The following NTRK2 variants were observed in gnomAD, a reference collection of about 807,000 sequenced individuals.
The protein encoded by NTRK2 is neurotrophic receptor tyrosine kinase 2.
Under a neutral mutation model 94.5 loss-of-function variants are expected in NTRK2, and 13 were observed. The ratio of observed to expected loss-of-function variants is 0.14; its 90% CI spans 0.09 to 0.22. The LOEUF (loss-of-function observed/expected upper bound fraction) is 0.22. NTRK2 is among the 10% of genes least tolerant of loss of function. The probability of loss-of-function intolerance (pLI) is 1.00; values close to 1 mark genes in which losing one functional copy is unlikely to be tolerated. For synonymous variants in NTRK2, 372 were observed against 407.4 expected, an observed-to-expected ratio of 0.91 and a Z score of 1.05; for missense variants, 639 against 1,071.2, an observed-to-expected ratio of 0.60 and a Z score of 5.63.
chr9:84,777,282 C>T (rs550365503), intron 12 of NTRK2, among the ~76,000 whole-genome samples: 4 of 152,218 alleles, frequency 2.6e-5, no homozygotes, highest in East Asian at 1.9e-4. Context: ...GATGTGACAC[C>T]GTTCAGAGAA....
intron 2 of NTRK2, among the ~76,000 whole-genome samples, chr9:84,695,999 C>T (rs2060352380): frequency 2.0e-5 from 3 of 152,150 alleles, no homozygotes; most frequent in African/African-American, 7.2e-5. Flanking sequence ...GAATGCTTAT[C>T]TGCTGAGGGC....
chr9:84,834,651 G>C (rs189483329), intron 12 of NTRK2, among the ~76,000 whole-genome samples: 6 of 152,170 alleles, frequency 3.9e-5, no homozygotes, highest in Admixed American at 1.3e-4. Context: ...TTCCTGGCTC[G>C]GGTTACTACC....
intron 10 of NTRK2, 112 bp downstream of exon 10, chr9:84,742,039 A>T (rs900929714): frequency 4.6e-5 from 43 of 944,152 alleles, no homozygotes; most frequent in Middle Eastern, 3.0e-4. Flanking sequence ...CACTTTAAGC[A>T]TTACATAGGC....
chr9:84,856,290 G>A (rs1239580096), intron 12 of NTRK2, among the ~76,000 whole-genome samples: 4 of 152,272 alleles, frequency 2.6e-5, no homozygotes, highest in African/African-American at 9.6e-5. Context: ...CTGTGGAGAT[G>A]GGGCTTTCTT....
intron 17 of NTRK2, among the ~76,000 whole-genome samples, chr9:84,973,574 TG>T (rs1826443062): frequency 6.6e-6 from 1 of 152,204 alleles, no homozygotes; most frequent in Non-Finnish European, 1.5e-5. Context: ...ATAGTACTCC[TG>T]TTATTCATAA....
At chr9:84,890,068 T>C (rs1442831331) in intron 14 of NTRK2, among the ~76,000 whole-genome samples, 1 of 152,238 alleles carries the variant, frequency 6.6e-6, no homozygotes, top group African/African-American at 2.4e-5. Context: ...AGGATAAGTA[T>C]GCCCAACTTC....
At chr9:84,939,051 C>CAAAAAAAAAAAAAAAAAAAAAAAAAA (rs138558531) in intron 15 of NTRK2, among the ~76,000 whole-genome samples, 1 of 68,436 alleles carries the variant, frequency 1.5e-5, no homozygotes, top group Non-Finnish European at 2.7e-5. Context: ...GACCCCAACT[C>CAAAAAAAAAAAAAAAAAAAAAAAAAA]AAAAAAAAAA....
chr9:84,802,003 A>G lies in NTRK2; in HGVS notation c.1396+49918A>G, dbSNP rs1225483779. ...CCTCTTGTTCTTTAAGGAGATGATG[A>G]TTCCTTTTTTAAGCTAAGAATTTGC... On this transcript the variant is annotated intron_variant, in intron 12 of 18. Transcript: ENST00000277120. Among the ~76,000 whole-genome samples the G allele has an allele frequency of 6.6e-5, 10 of 152,298 alleles. No homozygotes were observed. In the East Asian group the frequency reaches 1.9e-3, roughly 29 times the overall value.
chr9:84,888,651 T>G (rs1005792717), intron 14 of NTRK2, among the ~76,000 whole-genome samples: 15 of 69,926 alleles, frequency 2.1e-4, no homozygotes, highest in Middle Eastern at 0.013. Flanking sequence ...AAAAAAAAAG[T>G]GGCAGAGAAG....
intron 12 of NTRK2, among the ~76,000 whole-genome samples, chr9:84,754,407 C>G (rs893476611): frequency 1.3e-4 from 19 of 151,966 alleles, no homozygotes; most frequent in African/African-American, 4.6e-4. Flanking sequence ...TTTTGCAAGT[C>G]AGATGTCGAG....
chr9:84,987,137 G>T (rs1828422321), intron 17 of NTRK2, among the ~76,000 whole-genome samples: 1 of 152,162 alleles, frequency 6.6e-6, no homozygotes, highest in Non-Finnish European at 1.5e-5. Context: ...AGGGTGAAAA[G>T]AATTTGTTAA....
chr9:84,934,307 C>T lies in NTRK2; in HGVS notation c.1764+15C>T, dbSNP rs2304985. On this transcript the variant is annotated intron_variant, in intron 15 of 18. Transcript: ENST00000277120. Reference sequence around the variant, plus strand: ...TGGCAGTGAAGGTAAGAGAACATTCCAGAATGTCTCATTAACCATGATCAC... The same window carrying T: ...TGGCAGTGAAGGTAAGAGAACATTCTAGAATGTCTCATTAACCATGATCAC... The T allele has an allele frequency of 6.2e-7, 1 of 1,613,550 alleles. No homozygotes were observed. Among genetic ancestry groups the T allele is most frequent in the East Asian group, 2.2e-5 (1 of 44,878 alleles).
At chr9:84,832,290 A>G (rs1167207534) in intron 12 of NTRK2, among the ~76,000 whole-genome samples, 1 of 152,244 alleles carries the variant, frequency 6.6e-6, no homozygotes, top group Non-Finnish European at 1.5e-5. Context: ...AAAGAGGTTC[A>G]GAGATATGAG....
chr9:84,787,159 G>A (rs144585567), intron 12 of NTRK2, among the ~76,000 whole-genome samples: 105 of 152,126 alleles, frequency 6.9e-4, no homozygotes, highest in African/African-American at 2.1e-3. Context: ...TTGGCCAGGC[G>A]TGGTGGCAGG....
At chr9:85,009,837 A>C (rs1383753365) in intron 17 of NTRK2, among the ~76,000 whole-genome samples, 1 of 152,218 alleles carries the variant, frequency 6.6e-6, no homozygotes, top group Non-Finnish European at 1.5e-5. Context: ...TCTCTAGAGA[A>C]AGTGGTTTTC....
chr9:84,839,497 A>G (rs1345093332), intron 12 of NTRK2, among the ~76,000 whole-genome samples: 2 of 152,138 alleles, frequency 1.3e-5, no homozygotes, highest in South Asian at 2.1e-4. Context: ...GTCTTAGTAC[A>G]TTTTGATTCT....
At chr9:84,849,927 T>A (rs928683097) in intron 12 of NTRK2, among the ~76,000 whole-genome samples, 3 of 152,214 alleles carry the variant, frequency 2.0e-5, no homozygotes, top group Admixed American at 1.3e-4. Context: ...TTGTATCTTA[T>A]GAAGCTTGCG....
At position 84,670,551 on chromosome 9, in the gene NTRK2, C is replaced by G. The variant is rs201572532; in HGVS notation, c.-198C>G. 206 of 626,322 alleles carry G rather than the reference C, an allele frequency of 3.3e-4. 2 individuals are homozygous for G. The East Asian group carries it at 5.5e-3, about 17-fold the overall frequency. The allele number at this position is 626,322 out of a possible 1,614,324, so 38.8% of individuals were successfully genotyped here. A position where few individuals can be genotyped will look rare whatever the true frequency, so the allele number is the denominator to read the frequency against. On this transcript the variant is annotated 5_prime_UTR_variant, in exon 2 of 19. Coordinates refer to ENST00000277120, the MANE Select transcript of NTRK2 (RefSeq NM_006180.6). ...AAAGCGGTTCGCTATGCCGGGGCCA[C>G]TGTGAACCCTGCCGCCTGCCGGAAC... is the stretch of plus-strand genomic sequence containing the variant.
intron 14 of NTRK2, among the ~76,000 whole-genome samples, chr9:84,910,145 C>T (rs2077196835): frequency 6.6e-6 from 1 of 152,002 alleles, no homozygotes; most frequent in South Asian, 2.1e-4. Context: ...TTGATTTTTG[C>T]CTATGGATGT....
Sources: gnomAD v4.1 joint callset for allele counts (sites outside exome capture counted in the v4.1 genomes callset) on GRCh38, gnomAD v4.1.1 for gene constraint, MANE v1.5 for transcripts, NCBI Gene and HGNC (gene_info 2026-07-23, HGNC 2026-07-21) for gene names.